The following MED4 variants were observed in gnomAD, a reference collection of about 807,000 sequenced individuals.
MED4 encodes mediator of RNA polymerase II transcription subunit 4.
MED4 carries 21 observed loss-of-function variants against 35.0 expected under a neutral mutation model. The ratio of observed to expected loss-of-function variants is 0.60; its 90% CI spans 0.43 to 0.86. The LOEUF (loss-of-function observed/expected upper bound fraction) is 0.86. Ranked by LOEUF, MED4 falls within the 40% of genes least tolerant of loss-of-function variation. The pLI, the probability that MED4 is intolerant of heterozygous loss-of-function variation, is 0.00. For missense variants in MED4, 300 were observed against 319.4 expected, an observed-to-expected ratio of 0.94 and a Z score of 0.46; for synonymous variants, 138 against 114.0, an observed-to-expected ratio of 1.21 and a Z score of -1.34.
chr13:48,077,067 A>T lies in MED4; in HGVS notation c.*72T>A. The T allele has an allele frequency of 7.5e-7, 1 of 1,341,378 alleles. No homozygotes were observed. The allele number at this position is 1,341,378 out of a possible 1,614,324, so 83.1% of individuals were successfully genotyped here. On this transcript the variant is annotated 3_prime_UTR_variant, in exon 7 of 7. Transcript: ENST00000258648. ...GGGTATTTTTTGTCACCTGTAGTTT[A>T]CATTTCCCTGCTACTGTTAAAGAAA...
chr13:48,084,954 C>A (rs1950838607), intron 3 of MED4, among the ~76,000 whole-genome samples: 1 of 151,928 alleles, frequency 6.6e-6, no homozygotes, highest in Admixed American at 6.6e-5. Flanking sequence ...GCAACCTCTG[C>A]CTCCCGGGTT....
intron 2 of MED4, among the ~76,000 whole-genome samples, chr13:48,089,621 G>A (rs368954646): frequency 2.0e-5 from 3 of 152,092 alleles, no homozygotes; most frequent in African/African-American, 7.2e-5. Context: ...GCATTATAGC[G>A]CATGCCTATA....
At chr13:48,079,421 G>A (rs1374519339) in intron 6 of MED4, among the ~76,000 whole-genome samples, 2 of 152,088 alleles carry the variant, frequency 1.3e-5, no homozygotes, top group East Asian at 1.9e-4. Flanking sequence ...AGAATAAACC[G>A]GCAAAGAATC....
intron 6 of MED4, among the ~76,000 whole-genome samples, chr13:48,079,389 C>T (rs1950787233): frequency 6.6e-6 from 1 of 152,142 alleles, no homozygotes; most frequent in Non-Finnish European, 1.5e-5. Context: ...TTCATACCTC[C>T]CTCAAGGAGA....
At chr13:48,094,474 G>A (rs1173725921) in intron 1 of MED4, among the ~76,000 whole-genome samples, 1 of 152,104 alleles carries the variant, frequency 6.6e-6, no homozygotes, top group East Asian at 1.9e-4. Context: ...TGAGTTTGGC[G>A]AGCTCATGCT....
At position 48,075,824 on chromosome 13, in the gene MED4, A is replaced by G. The variant is rs1339810960; in HGVS notation, c.*1315T>C. ...TTAAAATTAGATATTGTGTTAGTCC[A>G]TTCCTAAAAATAACCCTGGAGGGAA... On this transcript the variant is annotated 3_prime_UTR_variant, in exon 7 of 7. Transcript: ENST00000258648. The G allele has an allele frequency of 6.6e-6, 1 of 152,248 alleles. No homozygotes were observed. Among genetic ancestry groups the G allele is most frequent in the African/African-American group, 2.4e-5 (1 of 41,468 alleles). 9.4% of individuals were successfully genotyped at this position (152,248 alleles called of 1,614,324 possible).
chr13:48,088,190 CTAAA>C (rs1280237808), intron 2 of MED4, among the ~76,000 whole-genome samples: 1 of 152,178 alleles, frequency 6.6e-6, no homozygotes, highest in South Asian at 2.1e-4. Context: ...CAAGTCTAGT[CTAAA>C]TATCCTTTAC....
At chr13:48,083,930 G>A (rs1054154172) in intron 3 of MED4, among the ~76,000 whole-genome samples, 3 of 152,128 alleles carry the variant, frequency 2.0e-5, no homozygotes, top group Non-Finnish European at 4.4e-5. Context: ...AGTTAACCTA[G>A]TATATGCATA....
intron 4 of MED4, among the ~76,000 whole-genome samples, chr13:48,082,764 T>C (rs1950819042): frequency 6.6e-6 from 1 of 151,926 alleles, no homozygotes; most frequent in African/African-American, 2.4e-5. Flanking sequence ...GAGGCGGAGC[T>C]TGCAGTGCGC....
intron 3 of MED4, among the ~76,000 whole-genome samples, chr13:48,084,086 A>T (rs910943283): frequency 4.0e-5 from 6 of 151,850 alleles, no homozygotes; most frequent in Non-Finnish European, 7.4e-5. Context: ...CACGGTAAAA[A>T]CCCATCTCTA....
In MED4 at chr13:48,095,058, A is replaced by T; in HGVS notation, c.21T>A (p.Gly7=). The change falls in exon 1 of 7, where the codon GGT becomes GGA. Residue 7 remains glycine (G), a synonymous_variant. Transcript: ENST00000258648. The stretch of plus-strand genomic sequence containing the variant: ...CTCCCAGCCGCTCCTTCTCCTTCTC[A>T]CCACTCGAAGACGCAGCCATTTTCC... MAASSS[G]EKEKERLGGG... 1.2e-6 allele frequency: 2 copies of T among 1,604,982 alleles called. No individual in the cohort carries two copies. The highest frequency in any genetic ancestry group is 1.7e-6 in the Non-Finnish European group (2 of 1,179,854).
intron 1 of MED4, among the ~76,000 whole-genome samples, chr13:48,094,083 T>C (rs1950908151): frequency 6.6e-6 from 1 of 152,264 alleles, no homozygotes; most frequent in East Asian, 1.9e-4. Context: ...TTTTATATAA[T>C]TTTTCTGCAG....
chr13:48,094,504 C>A (rs1293276055), intron 1 of MED4, among the ~76,000 whole-genome samples: 1 of 152,144 alleles, frequency 6.6e-6, no homozygotes, highest in Non-Finnish European at 1.5e-5. Context: ...GCACTTTCTT[C>A]AGAGGGCCTG....
In MED4 at chr13:48,094,273, T is replaced by C. The variant is rs182528015; in HGVS notation, c.125+681A>G. On this transcript the variant is annotated intron_variant, in intron 1 of 6. Coordinates refer to ENST00000258648, the MANE Select transcript of MED4 (RefSeq NM_014166.4). Reference sequence around the variant, plus strand: ...TTTAGGAGGTAGAACCAAGATAATTTACCATCCAAGTCAATGGGAGGGAGT... The same window carrying C: ...TTTAGGAGGTAGAACCAAGATAATTCACCATCCAAGTCAATGGGAGGGAGT... Among the ~76,000 whole-genome samples the C allele has an allele frequency of 1.9e-4, 29 of 152,260 alleles. No homozygotes were observed. In the East Asian group the frequency reaches 5.4e-3, roughly 28 times the overall value.
rs78183197 is a variant in MED4, at chr13:48,090,432, A to C, written c.126-14T>G. 10 of 1,568,178 alleles carry C rather than the reference A, an allele frequency of 6.4e-6. No homozygotes were observed. The Admixed American group carries it at 9.4e-5, about 15-fold the overall frequency. ...TCTATAAGTTCCCTAAAAAAAAAAA[A>C]CCAACAACAACAAAAACCCTTTCAC... On this transcript the variant is annotated splice_polypyrimidine_tract_variant and intron_variant, in intron 1 of 6. Transcript: ENST00000258648.
At chr13:48,088,374 T>C (rs9526443) in intron 2 of MED4, among the ~76,000 whole-genome samples, 61,539 of 152,134 alleles carry the variant, frequency 0.4, 15,323 homozygotes, top group East Asian at 0.54. Context: ...TCTAATACAA[T>C]AGACAAAAGA....
Position 48,086,364 on chromosome 13 carries a change from T to A in MED4, c.281A>T (p.Gln94Leu). The A allele has an allele frequency of 2.5e-6, 4 of 1,613,840 alleles. No homozygotes were observed. Among genetic ancestry groups the A allele is most frequent in the Non-Finnish European group, 3.4e-6 (4 of 1,179,884 alleles). Reference sequence around the variant, plus strand: ...CTTCTCTACTTCTTTTTCTAAAACTTGCATTTCATGATGAATTTTTCCCTG... The same window carrying A: ...CTTCTCTACTTCTTTTTCTAAAACTAGCATTTCATGATGAATTTTTCCCTG... ...LNQGKIHHEMQVLEKEVEKRD... is the reference protein window; with the variant it reads ...LNQGKIHHEMLVLEKEVEKRD... Residue 94 changes from glutamine (Q) to leucine (L), a missense_variant, in exon 3 of 7, where the codon CAA becomes CTA. Transcript: ENST00000258648.
chr13:48,085,112 G>A (rs1950839747), intron 3 of MED4, among the ~76,000 whole-genome samples: 1 of 150,864 alleles, frequency 6.6e-6, no homozygotes. Context: ...CAGGTGATCT[G>A]CCCACTTTGG....
intron 4 of MED4, 76 bp from the exon 5 acceptor site, chr13:48,081,807 CACATCGT>C: frequency 2.5e-6 from 2 of 806,064 alleles, no homozygotes; most frequent in Non-Finnish European, 3.8e-6. Context: ...CTATCAGTTA[CACATCGT>C]ATTTAATTTT....
Sources: allele counts gnomAD v4.1 joint callset (sites outside exome capture counted in the v4.1 genomes callset), GRCh38; gene constraint gnomAD v4.1.1; transcripts MANE v1.5; gene names NCBI Gene and HGNC (gene_info 2026-07-23, HGNC 2026-07-21).